CSAD: variants seen among roughly 807,000 people sequenced by gnomAD.
CSAD encodes P-selectin cytoplasmic tail-associated protein.
In CSAD, 47 loss-of-function variants were observed where a neutral mutation model predicts 61.5. The ratio of observed to expected loss-of-function variants is 0.76; its 90% CI spans 0.60 to 0.97. The LOEUF (loss-of-function observed/expected upper bound fraction) is 0.97. Among genes scored for constraint, CSAD ranks in the 50% least tolerant of loss-of-function variants. CSAD has a pLI of 0.00. For synonymous variants in CSAD, 245 were observed against 252.7 expected (o/e 0.97, Z 0.29); for missense variants, 611 against 643.6 (o/e 0.95, Z 0.55).
intron 10 of CSAD, among the ~76,000 whole-genome samples, chr12:53,161,839 A>C (rs1471993287): frequency 6.6e-6 from 1 of 151,986 alleles, no homozygotes; most frequent in Non-Finnish European, 1.5e-5. Flanking sequence ...GCATGCCTGT[A>C]GTCCCAGCTA....
chr12:53,172,320 T>C (rs1048563802), intron 6 of CSAD, 26 bp downstream of exon 6: 4 of 1,598,052 alleles, frequency 2.5e-6, no homozygotes, highest in Non-Finnish European at 3.4e-6. Flanking sequence ...CTTTGTGGGA[T>C]GGTAGAGGGG....
chr12:53,179,873 G>A (rs1941431841), intron 1 of CSAD: 2 of 1,610,374 alleles, frequency 1.2e-6, no homozygotes, highest in Non-Finnish European at 1.7e-6. Flanking sequence ...GCTAAGGCTA[G>A]GCAGAAGAAT....
Position 53,161,295 on chromosome 12 carries a change from T to C in CSAD, c.797A>G (p.His266Arg), listed in dbSNP as rs1939252043. ...CACATCCACATGCAGCCATAGCCCATGACGCTGGCACACATCAGCAATTGC... is the reference window on the plus strand; with the variant it reads ...CACATCCACATGCAGCCATAGCCCACGACGCTGGCACACATCAGCAATTGC... Reference protein sequence around the residue: ...LEAIADVCQRHGLWLHVDAAW... With the variant: ...LEAIADVCQRRGLWLHVDAAW... The change falls in exon 11 of 17, where the codon CAT (histidine) becomes CGT (arginine). Residue 266 changes from histidine (H) to arginine (R), a missense_variant. Transcript: ENST00000444623. 1 of 1,613,996 alleles carries C rather than the reference T, an allele frequency of 6.2e-7. No individual in the cohort carries two copies.
chr12:53,178,780 A>C (rs901765523), intron 2 of CSAD, among the ~76,000 whole-genome samples: 1 of 150,904 alleles, frequency 6.6e-6, no homozygotes, highest in Non-Finnish European at 1.5e-5. Flanking sequence ...GTGAGACTCC[A>C]TCTCAAAAAA....
Position 53,170,146 on chromosome 12 carries a change from G to T in CSAD, c.648-20C>A. ...TTCCCTCTGAAAAAGAAAATGCAGA[G>T]GGTAGAGCAGGGACAGGTTCTCTGT... On this transcript the variant is annotated intron_variant, in intron 9 of 16. Coordinates refer to ENST00000444623, the MANE Select transcript of CSAD (RefSeq NM_001244705.2). 1 of 1,610,110 alleles carries T rather than the reference G, an allele frequency of 6.2e-7. No homozygotes were observed. Among genetic ancestry groups the T allele is most frequent in the Non-Finnish European group, 8.5e-7 (1 of 1,176,664 alleles).
intron 2 of CSAD, among the ~76,000 whole-genome samples, chr12:53,177,140 G>A (rs928639524): frequency 6.6e-6 from 1 of 152,076 alleles, no homozygotes; most frequent in Admixed American, 6.6e-5. Flanking sequence ...TCTGACATCT[G>A]GTCATGTTGC....
At chr12:53,180,525 C>CT (rs1941505372) in intron 1 of CSAD, 1 of 1,274,578 alleles carries the variant, frequency 7.8e-7, no homozygotes, top group African/African-American at 1.6e-5. Flanking sequence ...GGCCTCAGCG[C>CT]TCCCTCCTCC....
At chr12:53,167,019 G>A (rs560196348) in intron 10 of CSAD, among the ~76,000 whole-genome samples, 37 of 152,236 alleles carry the variant, frequency 2.4e-4, no homozygotes, top group African/African-American at 8.9e-4. Context: ...TTCATGTAGA[G>A]CTATACCTGC....
intron 8 of CSAD, 41 bp from the exon 9 acceptor site, chr12:53,170,543 G>C (rs767824753): frequency 6.7e-7 from 1 of 1,486,514 alleles, no homozygotes; most frequent in Non-Finnish European, 9.4e-7. Flanking sequence ...CAACTTGATG[G>C]GGGAGGGGAG....
chr12:53,171,678 G>A, intron 7 of CSAD: 1 of 618,780 alleles, frequency 1.6e-6, no homozygotes, highest in Admixed American at 2.9e-5. Flanking sequence ...GGAGATAGCA[G>A]GAACTAGACC....
At chr12:53,180,626 C>G (rs1802168725) in intron 1 of CSAD, 106 bp downstream of exon 1, 1 of 1,283,820 alleles carries the variant, frequency 7.8e-7, no homozygotes, top group Non-Finnish European at 1.0e-6. Context: ...CCCCGCTAGT[C>G]TAGCTGCCGA....
chr12:53,175,918 C>T (rs1210375328), intron 2 of CSAD, among the ~76,000 whole-genome samples: 1 of 152,172 alleles, frequency 6.6e-6, no homozygotes, highest in African/African-American at 2.4e-5. Context: ...AGAAGGTGAA[C>T]TAATTGTCCA....
intron 2 of CSAD, among the ~76,000 whole-genome samples, chr12:53,174,756 C>T (rs1565676392): frequency 3.3e-5 from 5 of 152,162 alleles, no homozygotes; most frequent in Admixed American, 6.5e-5. Flanking sequence ...GGTACCACTG[C>T]ACTCCAGCCT....
intron 12 of CSAD, 112 bp from the exon 13 acceptor site, chr12:53,160,956 C>T: frequency 1.7e-6 from 2 of 1,178,706 alleles, no homozygotes; most frequent in African/African-American, 3.0e-5. Flanking sequence ...CACCCTCACC[C>T]CAGCATCAGG....
Position 53,160,150 on chromosome 12 carries a change from C to A in CSAD, c.1136G>T (p.Arg379Leu). ...AAGGACAAAGGCCTGGTCGATGCGC[C>A]GCTCCAGCCCTTGATCGCCCTGTGC... ...WKAQGDQGLE[R>L]RIDQAFVLAR... Residue 379 changes from arginine to leucine, a missense_variant, in exon 14 of 17, where the codon CGG becomes CTG. Transcript: ENST00000444623. 1.2e-6 allele frequency: 2 copies of A among 1,613,722 alleles called. No individual in the cohort carries two copies. The highest frequency in any genetic ancestry group is 8.5e-7 in the Non-Finnish European group (1 of 1,180,040).
rs1938792680 is a variant in CSAD, at chr12:53,158,343, C to G, written c.*168G>C. 7.1e-6 allele frequency: 4 copies of G among 560,822 alleles called. No individual in the cohort carries two copies. The highest frequency in any genetic ancestry group is 1.2e-5 in the Non-Finnish European group (4 of 323,966). The allele number at this position is 560,822 out of a possible 1,614,324, so 34.7% of individuals were successfully genotyped here. ...TAGAGACAGGGTTTCACCTTATTGG[C>G]CAGGCTGGTCTCGAACTCCTGACCT... On this transcript the variant is annotated 3_prime_UTR_variant, in exon 17 of 17. Coordinates refer to ENST00000444623, the MANE Select transcript of CSAD (RefSeq NM_001244705.2).
In CSAD at chr12:53,158,476, G is replaced by A. The variant is rs748489546; in HGVS notation, c.*35C>T. 5 of 1,598,764 alleles carry A rather than the reference G, an allele frequency of 3.1e-6. No homozygotes were observed. Among genetic ancestry groups the A allele is most frequent in the Non-Finnish European group, 4.3e-6 (5 of 1,168,894 alleles). ...GAATGCAGTGACTCTGCGGGTGAGG[G>A]GTGGTATCAAGGCCGGCAGCAAGAC... On this transcript the variant is annotated 3_prime_UTR_variant, in exon 17 of 17. Coordinates refer to ENST00000444623, the MANE Select transcript of CSAD (RefSeq NM_001244705.2).
chr12:53,171,001 G>GT, intron 8 of CSAD: 1 of 486,804 alleles, frequency 2.1e-6, no homozygotes, highest in South Asian at 1.7e-5. Context: ...GATTACAGGC[G>GT]TGAGTCACCG....
chr12:53,180,383 A>G, intron 1 of CSAD: 1 of 985,262 alleles, frequency 1.0e-6, no homozygotes, highest in Non-Finnish European at 1.2e-6. Context: ...TGATTTTTCA[A>G]GGAGTCTGAA....
Sources: allele counts gnomAD v4.1 joint callset (sites outside exome capture counted in the v4.1 genomes callset), GRCh38; gene constraint gnomAD v4.1.1; transcripts MANE v1.5; gene names NCBI Gene and HGNC (gene_info 2026-07-23, HGNC 2026-07-21).